The following STX17 variants were observed in gnomAD, a reference collection of about 807,000 sequenced individuals.
The protein encoded by STX17 is syntaxin-17.
STX17 carries 29 observed loss-of-function variants against 35.9 expected under a neutral mutation model. The observed-to-expected ratio is 0.81, with a 90% CI of 0.60 to 1.10. The LOEUF (loss-of-function observed/expected upper bound fraction) is 1.10, where lower values mean the gene tolerates loss of function less well. Ranked by LOEUF, STX17 falls within the 50% of genes least tolerant of loss-of-function variation. The probability of loss-of-function intolerance (pLI) is 0.00; values close to 1 mark genes in which losing one functional copy is unlikely to be tolerated. For synonymous variants in STX17, 92 were observed against 118.3 expected, an observed-to-expected ratio of 0.78 and a Z score of 1.44; for missense variants, 312 against 352.3, an observed-to-expected ratio of 0.89 and a Z score of 0.92.
At chr9:99,944,211 A>G (rs957261410) in intron 3 of STX17, among the ~76,000 whole-genome samples, 25 of 151,910 alleles carry the variant, frequency 1.6e-4, no homozygotes, top group Non-Finnish European at 2.9e-4. Context: ...TTATTTGTCA[A>G]TGAGGTTTAT....
At chr9:99,925,310 T>A (rs879900150) in intron 2 of STX17, among the ~76,000 whole-genome samples, 2 of 152,170 alleles carry the variant, frequency 1.3e-5, no homozygotes, top group African/African-American at 2.4e-5. Flanking sequence ...TGCTATACAT[T>A]TTACTTCTGC....
At chr9:99,949,607 C>T (rs915403206) in intron 3 of STX17, among the ~76,000 whole-genome samples, 4 of 151,652 alleles carry the variant, frequency 2.6e-5, no homozygotes, top group Non-Finnish European at 5.9e-5. Flanking sequence ...TAATGTAACA[C>T]CTCACTCAGA....
intron 4 of STX17, among the ~76,000 whole-genome samples, chr9:99,951,742 A>G (rs557279277): frequency 4.6e-5 from 7 of 152,094 alleles, no homozygotes; most frequent in Non-Finnish European, 7.4e-5. Flanking sequence ...TTAAGCCATC[A>G]TCTTCTGTGA....
chr9:99,949,333 C>A (rs532341115), intron 3 of STX17, among the ~76,000 whole-genome samples: 11 of 151,926 alleles, frequency 7.2e-5, no homozygotes, highest in African/African-American at 1.5e-4. Context: ...CCAGAAAAAT[C>A]TTACAAGATG....
intron 3 of STX17, among the ~76,000 whole-genome samples, chr9:99,940,430 A>G (rs1237789756): frequency 7.0e-6 from 1 of 142,014 alleles, no homozygotes; most frequent in Admixed American, 7.0e-5. Context: ...AATTGTTTTT[A>G]TAGTGTCAGA....
chr9:99,963,460 G>A (rs1829863636), intron 6 of STX17, among the ~76,000 whole-genome samples: 1 of 152,314 alleles, frequency 6.6e-6, no homozygotes, highest in African/African-American at 2.4e-5. Context: ...GGTTGCAATG[G>A]ATTAGATCAG....
In STX17 at chr9:99,970,917, T is replaced by G. The variant is rs1400272075; in HGVS notation, c.*2244T>G. 6.6e-6 allele frequency among the ~76,000 whole-genome samples: 1 copy of G among 152,228 alleles called. No individual in the cohort carries two copies. The highest frequency in any genetic ancestry group is 2.1e-4 in the South Asian group (1 of 4,834). On this transcript the variant is annotated 3_prime_UTR_variant, in exon 8 of 8. Coordinates refer to ENST00000259400, the MANE Select transcript of STX17 (RefSeq NM_017919.3). Reference sequence around the variant, plus strand: ...ACTGAGCCAGTGTGGAATACCACTGTATGTACTCATATAAGCCCTTGACTT... The same window carrying G: ...ACTGAGCCAGTGTGGAATACCACTGGATGTACTCATATAAGCCCTTGACTT...
chr9:99,908,252 C>CT (rs1239573871), intron 1 of STX17, among the ~76,000 whole-genome samples: 4 of 138,710 alleles, frequency 2.9e-5, no homozygotes, highest in Non-Finnish European at 6.8e-5. Context: ...TAATTGACAT[C>CT]TTGGGGGGGA....
intron 3 of STX17, among the ~76,000 whole-genome samples, chr9:99,945,123 G>A (rs995462779): frequency 3.0e-4 from 45 of 152,104 alleles, no homozygotes; most frequent in African/African-American, 9.9e-4. Flanking sequence ...TATCTAGTTT[G>A]TGTTAAACTT....
intron 6 of STX17, among the ~76,000 whole-genome samples, chr9:99,960,503 G>T (rs1829808786): frequency 1.3e-5 from 2 of 151,976 alleles, no homozygotes; most frequent in Non-Finnish European, 2.9e-5. Flanking sequence ...GAATGCAGTG[G>T]CACAGTCTTG....
At chr9:99,927,272 G>A (rs1829004697) in intron 2 of STX17, among the ~76,000 whole-genome samples, 1 of 152,122 alleles carries the variant, frequency 6.6e-6, no homozygotes, top group Non-Finnish European at 1.5e-5. Context: ...TAATTTAAAA[G>A]TGGTTTATTT....
intron 2 of STX17, among the ~76,000 whole-genome samples, chr9:99,927,715 G>A (rs1829018159): frequency 6.6e-6 from 1 of 152,168 alleles, no homozygotes; most frequent in African/African-American, 2.4e-5. Context: ...GACCTCAGGT[G>A]ATCCACCTGC....
Position 99,971,837 on chromosome 9 carries a change from A to T in STX17, c.*3164A>T, listed in dbSNP as rs183197654. ...GGAGTTTGAGACCAGCCTGGGCAACATAGTGAGACTCTTGTCTGTATGAAA... is the reference window on the plus strand; with the variant it reads ...GGAGTTTGAGACCAGCCTGGGCAACTTAGTGAGACTCTTGTCTGTATGAAA... On this transcript the variant is annotated 3_prime_UTR_variant, in exon 8 of 8. Coordinates refer to ENST00000259400, the MANE Select transcript of STX17 (RefSeq NM_017919.3). Among the ~76,000 whole-genome samples the T allele has an allele frequency of 4.5e-5, 4 of 88,226 alleles. No individual in the cohort carries two copies. The highest frequency in any genetic ancestry group is 9.7e-5 in the Non-Finnish European group (4 of 41,424). 57.9% of individuals were successfully genotyped at this position (88,226 alleles called of 152,430 possible).
chr9:99,918,256 A>G (rs1292152212), intron 2 of STX17, among the ~76,000 whole-genome samples: 1 of 152,140 alleles, frequency 6.6e-6, no homozygotes, highest in African/African-American at 2.4e-5. Flanking sequence ...CAGCTTCCTG[A>G]ATAGCTAAGA....
intron 4 of STX17, among the ~76,000 whole-genome samples, chr9:99,953,193 A>G (rs1829639433): frequency 6.6e-6 from 1 of 152,020 alleles, no homozygotes; most frequent in African/African-American, 2.4e-5. Flanking sequence ...TTACAGAGAG[A>G]TTAAAAAAAG....
chr9:99,907,696 AG>A (rs762011453), intron 1 of STX17, among the ~76,000 whole-genome samples: 23 of 152,222 alleles, frequency 1.5e-4, no homozygotes, highest in Non-Finnish European at 2.8e-4. Context: ...ATTACAGAAA[AG>A]TTTCAAAAGT....
chr9:99,926,636 T>G (rs1828991545), intron 2 of STX17, among the ~76,000 whole-genome samples: 1 of 152,084 alleles, frequency 6.6e-6, no homozygotes, highest in African/African-American at 2.4e-5. Context: ...TAGCTGGGAC[T>G]ACAGGTGCCT....
intron 3 of STX17, among the ~76,000 whole-genome samples, chr9:99,948,026 AGT>A (rs1371744728): frequency 6.6e-6 from 1 of 151,362 alleles, no homozygotes; most frequent in Non-Finnish European, 1.5e-5. Context: ...TGGGAAGGTT[AGT>A]CTGAATCACC....
chr9:99,956,101 TC>T (rs1326171319), intron 4 of STX17, among the ~76,000 whole-genome samples: 2 of 152,168 alleles, frequency 1.3e-5, no homozygotes, highest in Non-Finnish European at 2.9e-5. Context: ...TAAGTTTACA[TC>T]AGGGTTTTTT....
Sources: gnomAD v4.1 joint callset for allele counts (sites outside exome capture counted in the v4.1 genomes callset) on GRCh38, gnomAD v4.1.1 for gene constraint, MANE v1.5 for transcripts, NCBI Gene and HGNC (gene_info 2026-07-23, HGNC 2026-07-21) for gene names.